The following LIPC variants were observed in gnomAD, a reference collection of about 807,000 sequenced individuals.
The protein encoded by LIPC is lipase C, hepatic type.
In LIPC, 44 loss-of-function variants were observed where a neutral mutation model predicts 50.7. The observed-to-expected ratio is 0.87, with a 90% CI of 0.68 to 1.11. The LOEUF is 1.11. LIPC is among the 50% of genes most tolerant of loss of function. The pLI is 0.00. For missense variants in LIPC, 697 were observed against 648.2 expected (o/e 1.08, Z -0.82); for synonymous variants, 271 against 256.4 (o/e 1.06, Z -0.54).
intron 1 of LIPC, among the ~76,000 whole-genome samples, chr15:58,509,673 C>T (rs904906390): frequency 2.2e-4 from 34 of 152,126 alleles, no homozygotes; most frequent in Non-Finnish European, 1.3e-4. Flanking sequence ...TCTCTGTATA[C>T]GCAGTGTTTT....
At chr15:58,513,026 C>T (rs142774618) in intron 1 of LIPC, among the ~76,000 whole-genome samples, 20 of 152,160 alleles carry the variant, frequency 1.3e-4, no homozygotes, top group African/African-American at 4.8e-4. Flanking sequence ...AAGCAAAAAC[C>T]TCCTTCAAAC....
intron 1 of LIPC, chr15:58,454,186 C>T (rs575873042): frequency 2.0e-5 from 3 of 152,366 alleles, no homozygotes; most frequent in South Asian, 4.1e-4. Flanking sequence ...TGTCTTCCAG[C>T]TCTGGGTGAA....
In LIPC at chr15:58,548,520, G is replaced by A; in HGVS notation, c.999G>A (p.Arg333=). The change falls in exon 6 of 9, where the codon CGG becomes CGA. Residue 333 remains arginine, a synonymous_variant. Coordinates refer to ENST00000299022, the MANE Select transcript of LIPC (RefSeq NM_000236.3). ...GCTACCACGTCCGCCAGGAGCCGCGGAGCAAGAGCAAGAGGCTCTTCCTCG... is the reference window on the plus strand; with the variant it reads ...GCTACCACGTCCGCCAGGAGCCGCGAAGCAAGAGCAAGAGGCTCTTCCTCG... The part of the protein sequence containing the change: ...TLGYHVRQEP[R]SKSKRLFLVT... The A allele has an allele frequency of 6.3e-7, 1 of 1,599,760 alleles. No homozygotes were observed. Among genetic ancestry groups the A allele is most frequent in the Non-Finnish European group, 8.5e-7 (1 of 1,172,836 alleles).
intron 1 of LIPC, among the ~76,000 whole-genome samples, chr15:58,532,001 T>C (rs1566940773): frequency 6.6e-6 from 1 of 152,148 alleles, no homozygotes; most frequent in Non-Finnish European, 1.5e-5. Flanking sequence ...TTCGACATTA[T>C]AGTGAAGTGA....
At position 58,542,586 on chromosome 15, in the gene LIPC, G is replaced by A. The variant is rs200758590; in HGVS notation, c.509G>A (p.Gly170Asp). 18 of 1,613,842 alleles carry A rather than the reference G, an allele frequency of 1.1e-5. No homozygotes were observed. The highest frequency in any genetic ancestry group is 1.4e-5 in the Non-Finnish European group (17 of 1,179,896). The change falls in exon 4 of 9, where the codon GGT becomes GAT. Residue 170 changes from glycine to aspartate, a missense_variant. By Grantham distance (94) the Gly-to-Asp change is moderately conservative. Coordinates refer to ENST00000299022, the MANE Select transcript of LIPC (RefSeq NM_000236.3). ...SHVHLIGYSLGAHVSGFAGSS... is the reference protein window; with the variant it reads ...SHVHLIGYSLDAHVSGFAGSS... The stretch of plus-strand genomic sequence containing the variant: ...GTTCACCTAATTGGGTACAGCCTGG[G>A]TGCACACGTGTCAGGATTTGCCGGC...
chr15:58,540,885 C>T (rs1893295992), intron 2 of LIPC, among the ~76,000 whole-genome samples: 2 of 152,242 alleles, frequency 1.3e-5, no homozygotes, highest in Admixed American at 6.5e-5. Flanking sequence ...ACTGCAGACT[C>T]GACCTCCTAG....
intron 1 of LIPC, among the ~76,000 whole-genome samples, chr15:58,482,764 A>C (rs1299539297): frequency 6.6e-6 from 1 of 152,182 alleles, no homozygotes; most frequent in Non-Finnish European, 1.5e-5. Context: ...ACAGCAAGCA[A>C]AAAACCTTAA....
chr15:58,484,331 G>A (rs1047558768), intron 1 of LIPC, among the ~76,000 whole-genome samples: 8 of 152,114 alleles, frequency 5.3e-5, no homozygotes, highest in Non-Finnish European at 7.3e-5. Flanking sequence ...CTTAGCATTC[G>A]TCCCTGCCCT....
chr15:58,463,240 C>T (rs770078910), intron 1 of LIPC, among the ~76,000 whole-genome samples: 3 of 152,260 alleles, frequency 2.0e-5, no homozygotes, highest in Non-Finnish European at 2.9e-5. Context: ...ACTTATGTGT[C>T]ATTCACTCCA....
intron 4 of LIPC, among the ~76,000 whole-genome samples, chr15:58,542,965 A>G (rs572525834): frequency 1.3e-5 from 2 of 152,352 alleles, no homozygotes; most frequent in East Asian, 1.9e-4. Flanking sequence ...TCTATAATTT[A>G]CAAAGTCCAA....
intron 1 of LIPC, among the ~76,000 whole-genome samples, chr15:58,489,442 G>A (rs1401804581): frequency 6.6e-6 from 1 of 152,142 alleles, no homozygotes; most frequent in Non-Finnish European, 1.5e-5. Flanking sequence ...TTCAAGGATA[G>A]TTTGATGTAC....
At chr15:58,478,729 G>C (rs1473854915) in intron 1 of LIPC, among the ~76,000 whole-genome samples, 3 of 152,284 alleles carry the variant, frequency 2.0e-5, no homozygotes, top group South Asian at 4.1e-4. Flanking sequence ...TGAGCTACTA[G>C]AACTACTGCA....
At position 58,563,600 on chromosome 15, in the gene LIPC, A is replaced by G. The variant is rs770161960; in HGVS notation, c.1265A>G (p.Asn422Ser). The change falls in exon 8 of 9, where the codon AAC becomes AGC. Residue 422 changes from asparagine to serine, a missense_variant. Coordinates refer to ENST00000299022, the MANE Select transcript of LIPC (RefSeq NM_000236.3). ...ELIMIKFKWENSAVWANVWDT... is the reference protein window; with the variant it reads ...ELIMIKFKWESSAVWANVWDT... ...ATCATGATCAAGTTCAAGTGGGAAA[A>G]CAGTGCAGTGTGGGCCAATGTCTGG... 8 of 1,614,076 alleles carry G rather than the reference A, an allele frequency of 5.0e-6. No individual in the cohort carries two copies. The highest frequency in any genetic ancestry group is 6.8e-6 in the Non-Finnish European group (8 of 1,180,048).
At chr15:58,515,533 C>CATATATATATATATATAT (rs1555403164) in intron 1 of LIPC, among the ~76,000 whole-genome samples, 11 of 141,730 alleles carry the variant, frequency 7.8e-5, no homozygotes, top group African/African-American at 3.0e-4. Context: ...TATACACACA[C>CATATATATATATATATAT]ATATATATAT....
At chr15:58,475,275 C>T (rs142090843) in intron 1 of LIPC, among the ~76,000 whole-genome samples, 32 of 152,324 alleles carry the variant, frequency 2.1e-4, no homozygotes, top group Middle Eastern at 3.4e-3. Context: ...ATCTTCCACA[C>T]CATAATCCAG....
At chr15:58,541,759 C>T (rs112575642) in intron 2 of LIPC, 26 bp from the exon 3 acceptor site, 23 of 1,608,032 alleles carry the variant, frequency 1.4e-5, no homozygotes, top group Middle Eastern at 1.8e-4. Flanking sequence ...GAAACTAGTG[C>T]GACCCTCCCT....
intron 1 of LIPC, among the ~76,000 whole-genome samples, chr15:58,486,208 G>A (rs1448604181): frequency 6.6e-6 from 1 of 152,106 alleles, no homozygotes; most frequent in Non-Finnish European, 1.5e-5. Context: ...TCTCTTATCT[G>A]CCTGGAGAGT....
At chr15:58,483,221 G>C (rs756543216) in intron 1 of LIPC, among the ~76,000 whole-genome samples, 15 of 152,118 alleles carry the variant, frequency 9.9e-5, no homozygotes, top group Non-Finnish European at 2.2e-4. Context: ...TGGCCATATA[G>C]AGTTGACATA....
intron 1 of LIPC, among the ~76,000 whole-genome samples, chr15:58,498,157 G>T (rs1295163052): frequency 2.6e-5 from 4 of 152,140 alleles, no homozygotes; most frequent in African/African-American, 9.7e-5. Context: ...GTTTCTCTCA[G>T]GCGAGCTTTC....
Sources: allele counts gnomAD v4.1 joint callset (sites outside exome capture counted in the v4.1 genomes callset), GRCh38; gene constraint gnomAD v4.1.1; transcripts MANE v1.5; gene names NCBI Gene and HGNC (gene_info 2026-07-23, HGNC 2026-07-21).